The following PSD3 variants were observed in gnomAD, a reference collection of about 807,000 sequenced individuals.
PSD3 encodes the protein pleckstrin and Sec7 domain containing 3.
In PSD3, 49 loss-of-function variants were observed where a neutral mutation model predicts 105.5. That is an observed-to-expected ratio of 0.46 (90% CI 0.37 to 0.59). PSD3 has a LOEUF of 0.59. Among genes scored for constraint, PSD3 ranks in the 20% least tolerant of loss-of-function variants. The probability of loss-of-function intolerance (pLI) is 0.00; values close to 1 mark genes in which losing one functional copy is unlikely to be tolerated. For synonymous variants in PSD3, 557 were observed against 457.8 expected (o/e 1.22, Z -2.77); for missense variants, 1,561 against 1,263.8 (o/e 1.24, Z -3.57).
chr8:19,010,527 T>A (rs1466715179), intron 1 of PSD3, among the ~76,000 whole-genome samples: 1 of 152,252 alleles, frequency 6.6e-6, no homozygotes, highest in African/African-American at 2.4e-5. Context: ...GTTAACTATA[T>A]GCTGCAAATT....
At chr8:18,922,251 G>A (rs893377653) in intron 2 of PSD3, among the ~76,000 whole-genome samples, 96 of 152,200 alleles carry the variant, frequency 6.3e-4, no homozygotes, top group African/African-American at 2.1e-3. Flanking sequence ...ACGTCCTAAC[G>A]GAACCCAAAG....
intron 9 of PSD3, among the ~76,000 whole-genome samples, chr8:18,704,736 C>T (rs1000109899): frequency 6.6e-6 from 1 of 152,050 alleles, no homozygotes; most frequent in Non-Finnish European, 1.5e-5. Context: ...TTTCATTCTG[C>T]CTTCCTACAA....
At chr8:18,609,418 C>T (rs965028489) in intron 11 of PSD3, among the ~76,000 whole-genome samples, 1 of 152,108 alleles carries the variant, frequency 6.6e-6, no homozygotes, top group Non-Finnish European at 1.5e-5. Context: ...CAAAATAAAC[C>T]CAGCACTTTA....
In PSD3 at chr8:18,535,566, A is replaced by T. The variant is rs1034326792; in HGVS notation, c.*177T>A. On this transcript the variant is annotated 3_prime_UTR_variant, in exon 16 of 16. Coordinates refer to ENST00000327040, the MANE Select transcript of PSD3 (RefSeq NM_015310.4). Reference sequence around the variant, plus strand: ...GTTGCAAAAATCATCAAAGCAAAAGAAATCAAGAGCAAAGACAATCTGTAC... The same window carrying T: ...GTTGCAAAAATCATCAAAGCAAAAGTAATCAAGAGCAAAGACAATCTGTAC... 3.3e-6 allele frequency: 2 copies of T among 613,290 alleles called. No individual in the cohort carries two copies. Among genetic ancestry groups the T allele is most frequent in the Non-Finnish European group, 5.6e-6 (2 of 355,684 alleles). The allele number at this position is 613,290 out of a possible 1,614,324, so 38.0% of individuals were successfully genotyped here.
At chr8:18,795,808 A>G (rs190390813) in intron 8 of PSD3, among the ~76,000 whole-genome samples, 24 of 152,348 alleles carry the variant, frequency 1.6e-4, no homozygotes, top group African/African-American at 4.8e-4. Flanking sequence ...ATTCTGACAT[A>G]TCAAATCTTA....
At chr8:18,723,389 A>C (rs949656820) in intron 9 of PSD3, among the ~76,000 whole-genome samples, 2 of 152,206 alleles carry the variant, frequency 1.3e-5, no homozygotes, top group African/African-American at 2.4e-5. Context: ...TCATTTTTGC[A>C]TTCATCATCC....
At chr8:18,639,738 G>C (rs1807508116) in intron 10 of PSD3, among the ~76,000 whole-genome samples, 1 of 152,126 alleles carries the variant, frequency 6.6e-6, no homozygotes, top group East Asian at 1.9e-4. Flanking sequence ...ATAAATCTGG[G>C]TTTTTAAAGC....
At chr8:18,657,236 T>A (rs1305514010) in intron 9 of PSD3, among the ~76,000 whole-genome samples, 2 of 152,032 alleles carry the variant, frequency 1.3e-5, no homozygotes, top group Admixed American at 1.3e-4. Flanking sequence ...AGTGTTTACA[T>A]GTGTGTAAGC....
chr8:18,572,075 G>A (rs1458184964), intron 14 of PSD3, among the ~76,000 whole-genome samples: 4 of 152,158 alleles, frequency 2.6e-5, no homozygotes, highest in Non-Finnish European at 5.9e-5. Context: ...TCTGCTCTGA[G>A]GGGTAGGGCA....
intron 11 of PSD3, among the ~76,000 whole-genome samples, chr8:18,620,595 G>C (rs541384506): frequency 6.6e-6 from 1 of 152,040 alleles, no homozygotes; most frequent in Non-Finnish European, 1.5e-5. Context: ...TGTGGTCCCA[G>C]CTATTCAATA....
At position 19,030,248 on chromosome 8, in the gene PSD3, T is replaced by C. The variant is rs191491783; in HGVS notation, c.324+53958A>G. 3.3e-3 allele frequency among the ~76,000 whole-genome samples: 496 copies of C among 152,368 alleles called. 3 individuals carry two copies. The highest frequency in any genetic ancestry group is 5.1e-3 in the Non-Finnish European group (347 of 68,032). ...ATACTCATATGATTTTTCTTTTTTA[T>C]GCTGTAATTTTGGTGAATTACACGA... On this transcript the variant is annotated intron_variant, in intron 1 of 1. Transcript: ENST00000521475.
rs557686083 is a variant in PSD3 at position 18,848,849 on chromosome 8, C to A, written c.1634+18825G>T. ...TTATTGTCATACAAAAATGTGGCAACTGCCATTCTTTGGCTACATTTCAAG... is the reference window on the plus strand; with the variant it reads ...TTATTGTCATACAAAAATGTGGCAAATGCCATTCTTTGGCTACATTTCAAG... On this transcript the variant is annotated intron_variant, in intron 4 of 15. Coordinates refer to ENST00000327040, the MANE Select transcript of PSD3 (RefSeq NM_015310.4). Among the ~76,000 whole-genome samples, 208 of 152,320 alleles carry A rather than the reference C, an allele frequency of 1.4e-3. 2 individuals are homozygous for A. Among genetic ancestry groups the A allele is most frequent in the African/African-American group, 4.8e-3 (200 of 41,574 alleles).
intron 1 of PSD3, among the ~76,000 whole-genome samples, chr8:18,984,888 A>T (rs573803788): frequency 6.6e-6 from 1 of 152,098 alleles, no homozygotes; most frequent in African/African-American, 2.4e-5. Flanking sequence ...AACCAGCTCA[A>T]TGTCACCAGG....
intron 4 of PSD3, among the ~76,000 whole-genome samples, chr8:18,861,428 G>C (rs903389741): frequency 6.6e-6 from 1 of 151,962 alleles, no homozygotes; most frequent in South Asian, 2.1e-4. Context: ...CATCTAAAAG[G>C]GTGACTCCAA....
At chr8:18,630,932 C>G (rs1262132699) in intron 11 of PSD3, among the ~76,000 whole-genome samples, 1 of 151,680 alleles carries the variant, frequency 6.6e-6, no homozygotes, top group African/African-American at 2.4e-5. Context: ...TATGCAGATA[C>G]TATGCCATTT....
At chr8:18,642,142 T>A (rs536895838) in intron 10 of PSD3, among the ~76,000 whole-genome samples, 1 of 152,174 alleles carries the variant, frequency 6.6e-6, no homozygotes, top group Non-Finnish European at 1.5e-5. Flanking sequence ...TCTGACCATA[T>A]GTACAATGAC....
At chr8:18,663,513 C>T (rs962713004) in intron 9 of PSD3, among the ~76,000 whole-genome samples, 21 of 151,500 alleles carry the variant, frequency 1.4e-4, no homozygotes, top group African/African-American at 5.1e-4. Context: ...CAAAGTTTTA[C>T]TAATGTGTGT....
At chr8:18,576,138 C>T (rs930004491) in intron 12 of PSD3, among the ~76,000 whole-genome samples, 1 of 152,104 alleles carries the variant, frequency 6.6e-6, no homozygotes. Context: ...GCCAGTCCTC[C>T]ATACTTCCCC....
At chr8:18,851,177 C>T (rs1476797519) in intron 4 of PSD3, among the ~76,000 whole-genome samples, 1 of 152,182 alleles carries the variant, frequency 6.6e-6, no homozygotes, top group Admixed American at 6.5e-5. Flanking sequence ...AGCACTTTCC[C>T]ATAGTTATTT....
Sources: gnomAD v4.1 joint callset for allele counts (sites outside exome capture counted in the v4.1 genomes callset) on GRCh38, gnomAD v4.1.1 for gene constraint, MANE v1.5 for transcripts, NCBI Gene and HGNC (gene_info 2026-07-23, HGNC 2026-07-21) for gene names.